The following NTM variants were observed in gnomAD, a reference collection of about 807,000 sequenced individuals.
The protein encoded by NTM is IgLON family member 2.
In NTM, 13 loss-of-function variants were observed where a neutral mutation model predicts 42.1. The observed-to-expected ratio is 0.31, with a 90% confidence interval of 0.20 to 0.49. The LOEUF is 0.49. NTM is among the 20% of genes least tolerant of loss of function. NTM has a pLI of 0.99. For synonymous variants in NTM, 187 were observed against 179.2 expected (o/e 1.04, Z -0.35); for missense variants, 373 against 452.8 (o/e 0.82, Z 1.60).
At chr11:131,986,892 A>G (rs542185219) in intron 2 of NTM, among the ~76,000 whole-genome samples, 2 of 152,326 alleles carry the variant, frequency 1.3e-5, no homozygotes, top group African/African-American at 4.8e-5. Flanking sequence ...GACACATTCC[A>G]ACATAATTAT....
At chr11:131,501,431 G>A (rs1253227464) in intron 1 of NTM, among the ~76,000 whole-genome samples, 1 of 152,158 alleles carries the variant, frequency 6.6e-6, no homozygotes, top group African/African-American at 2.4e-5. Context: ...TTGAGGACAT[G>A]TTTGAGAATT....
chr11:131,893,392 G>A (rs111421818), intron 1 of NTM, among the ~76,000 whole-genome samples: 2 of 152,082 alleles, frequency 1.3e-5, no homozygotes, highest in Non-Finnish European at 1.5e-5. Context: ...CTAATGAGGG[G>A]GTGTTGTGTT....
At chr11:131,533,498 C>A (rs1209765299) in intron 1 of NTM, among the ~76,000 whole-genome samples, 1 of 152,160 alleles carries the variant, frequency 6.6e-6, no homozygotes, top group Non-Finnish European at 1.5e-5. Context: ...CTTCTCTGCC[C>A]AGCCCTGACT....
chr11:132,314,438 AATG>A (rs1336984275), intron 6 of NTM, 111 bp from the exon 7 acceptor site: 2 of 1,144,844 alleles, frequency 1.7e-6, no homozygotes, highest in African/African-American at 3.1e-5. Context: ...TAATGGTTAT[AATG>A]ATGTCAGAAA....
At chr11:132,086,343 A>AAAAGAGG (rs2059708538) in intron 2 of NTM, among the ~76,000 whole-genome samples, 1 of 147,328 alleles carries the variant, frequency 6.8e-6, no homozygotes, top group Non-Finnish European at 1.5e-5. Flanking sequence ...AAAAAAAAAT[A>AAAAGAGG]GTGGCAAGAC....
intron 2 of NTM, among the ~76,000 whole-genome samples, chr11:131,922,434 G>A (rs928944952): frequency 1.1e-4 from 17 of 152,128 alleles, no homozygotes; most frequent in Non-Finnish European, 2.4e-4. Context: ...TACCCTTGAC[G>A]CAAGGCCCAC....
chr11:131,752,445 T>C (rs570897229), intron 1 of NTM, among the ~76,000 whole-genome samples: 3 of 152,232 alleles, frequency 2.0e-5, no homozygotes, highest in Admixed American at 6.5e-5. Flanking sequence ...CTGGTGGGAC[T>C]GTAAACTAGT....
chr11:131,598,860 CCTTCCTTCCTTCCTT>C lies in NTM; in HGVS notation c.82+227989_82+228003del, dbSNP rs2060179255. Among the ~76,000 whole-genome samples the C allele has an allele frequency of 1.3e-4, 5 of 39,092 alleles. 1 individual carries two copies. The highest frequency in any genetic ancestry group is 3.3e-4 in the African/African-American group (5 of 15,336). 25.6% of individuals were successfully genotyped at this position (39,092 alleles called of 152,430 possible). ...TTCTTTCTTTCTTTCTTCCTTCCTT[CCTTCCTTCCTTCCTT>C]CTTCCTTCCTTCCTTCCTTCCTTCC... is the stretch of plus-strand genomic sequence containing the variant. On this transcript the variant is annotated intron_variant, in intron 1 of 8. Coordinates refer to ENST00000683400, the MANE Select transcript of NTM (RefSeq NM_001352005.2).
intron 4 of NTM, among the ~76,000 whole-genome samples, chr11:132,254,462 CTT>C (rs113038506): frequency 0.017 from 2,546 of 152,076 alleles, 57 homozygotes; most frequent in African/African-American, 0.049. Flanking sequence ...TGTGAATGCA[CTT>C]TGTTTTCACC....
At chr11:131,493,132 G>A (rs532738658) in intron 1 of NTM, among the ~76,000 whole-genome samples, 4 of 152,118 alleles carry the variant, frequency 2.6e-5, no homozygotes, top group Non-Finnish European at 5.9e-5. Flanking sequence ...GCTGGGGTGG[G>A]GGTGCTCAAG....
intron 1 of NTM, among the ~76,000 whole-genome samples, chr11:131,697,051 AGT>A (rs1167091651): frequency 6.6e-6 from 1 of 152,196 alleles, no homozygotes; most frequent in Non-Finnish European, 1.5e-5. Flanking sequence ...GCAAGGAGAG[AGT>A]GGCAGTTTTT....
chr11:131,780,944 C>A (rs374113217), intron 1 of NTM, among the ~76,000 whole-genome samples: 78 of 152,184 alleles, frequency 5.1e-4, no homozygotes, highest in African/African-American at 1.8e-3. Flanking sequence ...GTCGTACTTA[C>A]AAGATGAATA....
chr11:132,105,903 G>C (rs1214866769), intron 2 of NTM, among the ~76,000 whole-genome samples: 3 of 152,180 alleles, frequency 2.0e-5, no homozygotes, highest in Non-Finnish European at 4.4e-5. Flanking sequence ...TGTGTGGGAG[G>C]GAGGCAGAGA....
At chr11:132,116,468 A>C (rs1321777719) in intron 2 of NTM, among the ~76,000 whole-genome samples, 2 of 152,226 alleles carry the variant, frequency 1.3e-5, no homozygotes, top group Non-Finnish European at 1.5e-5. Context: ...TTCTGGATAC[A>C]GAGCAAGGCA....
chr11:131,614,308 C>G (rs570843577), intron 1 of NTM, among the ~76,000 whole-genome samples: 123 of 152,320 alleles, frequency 8.1e-4, no homozygotes, highest in Non-Finnish European at 1.3e-3. Context: ...TGCCCCATGC[C>G]CAGAAGGGCC....
chr11:131,789,014 G>C (rs946541898), intron 1 of NTM, among the ~76,000 whole-genome samples: 3 of 152,062 alleles, frequency 2.0e-5, no homozygotes, highest in African/African-American at 7.2e-5. Context: ...CTTCCAGGGG[G>C]CCGGGGTCTC....
At chr11:131,911,245 T>G in intron 1 of NTM, 1 of 1,411,076 alleles carries the variant, frequency 7.1e-7, no homozygotes, top group South Asian at 1.5e-5. Context: ...GGAGCCCCCT[T>G]TGGCCGTCCT....
At chr11:131,987,675 A>C (rs2066302490) in intron 2 of NTM, among the ~76,000 whole-genome samples, 1 of 152,166 alleles carries the variant, frequency 6.6e-6, no homozygotes, top group East Asian at 1.9e-4. Context: ...ATCTTAATAA[A>C]ACTTTCATCA....
chr11:132,236,563 T>C (rs905830055), intron 4 of NTM, among the ~76,000 whole-genome samples: 6 of 152,166 alleles, frequency 3.9e-5, no homozygotes, highest in African/African-American at 7.2e-5. Flanking sequence ...CCATGATTAC[T>C]AGTGTTATTA....
Sources: gnomAD v4.1 joint callset for allele counts (sites outside exome capture counted in the v4.1 genomes callset) on GRCh38, gnomAD v4.1.1 for gene constraint, MANE v1.5 for transcripts, NCBI Gene and HGNC (gene_info 2026-07-23, HGNC 2026-07-21) for gene names.